STXBP6: variants seen among roughly 807,000 people sequenced by gnomAD.
The protein encoded by STXBP6 is syntaxin binding protein 6.
STXBP6 carries 21 observed loss-of-function variants against 26.9 expected under a neutral mutation model. The observed-to-expected ratio is 0.78, with a 90% CI of 0.55 to 1.12. The LOEUF is 1.12. Among genes scored for constraint, STXBP6 ranks in the 50% most tolerant of loss-of-function variants. STXBP6 has a pLI of 0.00. For synonymous variants in STXBP6, 97 were observed against 92.6 expected (o/e 1.05, Z -0.27); for missense variants, 232 against 257.9 (o/e 0.90, Z 0.69).
At chr14:24,908,045 G>T (rs901472905) in intron 2 of STXBP6, among the ~76,000 whole-genome samples, 4 of 152,112 alleles carry the variant, frequency 2.6e-5, no homozygotes, top group Non-Finnish European at 4.4e-5. Flanking sequence ...TTGGGTGTCT[G>T]TAACAGGCCT....
chr14:24,921,122 A>T (rs1320453097), intron 2 of STXBP6, among the ~76,000 whole-genome samples: 1 of 152,172 alleles, frequency 6.6e-6, no homozygotes, highest in Non-Finnish European at 1.5e-5. Flanking sequence ...TAAAGTCTCA[A>T]TTCTCTTCTC....
intron 1 of STXBP6, among the ~76,000 whole-genome samples, chr14:24,979,794 C>A (rs1054396274): frequency 6.6e-6 from 1 of 152,206 alleles, no homozygotes; most frequent in African/African-American, 2.4e-5. Context: ...TTCATTCTCA[C>A]TTCCTCTGCC....
intron 1 of STXBP6, among the ~76,000 whole-genome samples, chr14:24,990,783 G>A (rs1302048954): frequency 6.6e-6 from 1 of 151,834 alleles, no homozygotes; most frequent in Admixed American, 6.6e-5. Context: ...GAAGAAGGTT[G>A]ATCACATACA....
chr14:25,025,415 C>T (rs11627467), intron 1 of STXBP6, among the ~76,000 whole-genome samples: 12,480 of 152,120 alleles, frequency 0.082, 613 homozygotes, highest in Non-Finnish European at 0.12. Context: ...AAATGGAATA[C>T]TGGAAGTCCT....
At chr14:24,976,890 T>A (rs1242912498) in intron 1 of STXBP6, among the ~76,000 whole-genome samples, 3 of 116,798 alleles carry the variant, frequency 2.6e-5, no homozygotes, top group Non-Finnish European at 5.1e-5. Context: ...TGAGGCAGAG[T>A]CTTGCTTTAT....
At chr14:24,971,662 G>C (rs1406651706) in intron 2 of STXBP6, among the ~76,000 whole-genome samples, 2 of 152,170 alleles carry the variant, frequency 1.3e-5, no homozygotes, top group African/African-American at 4.8e-5. Flanking sequence ...CCCTCTGCCT[G>C]GAATGCCCTC....
intron 1 of STXBP6, among the ~76,000 whole-genome samples, chr14:25,023,460 A>ATAAG (rs2075295204): frequency 6.6e-6 from 1 of 152,202 alleles, no homozygotes; most frequent in African/African-American, 2.4e-5. Flanking sequence ...ACACATATAA[A>ATAAG]TAAAGTTTCA....
At chr14:24,873,794 G>A (rs1384640042) in intron 2 of STXBP6, among the ~76,000 whole-genome samples, 2 of 152,202 alleles carry the variant, frequency 1.3e-5, no homozygotes, top group African/African-American at 4.8e-5. Context: ...TTCTCTGAAT[G>A]ACGGGAACAA....
intron 1 of STXBP6, among the ~76,000 whole-genome samples, chr14:25,028,800 T>C (rs1313583840): frequency 6.6e-5 from 10 of 152,122 alleles, no homozygotes; most frequent in South Asian, 2.1e-4. Context: ...ATATTTGTGA[T>C]TCATGGGGGG....
chr14:24,970,079 T>C (rs2073857019), intron 2 of STXBP6, among the ~76,000 whole-genome samples: 1 of 151,998 alleles, frequency 6.6e-6, no homozygotes, highest in South Asian at 2.1e-4. Context: ...CCGTCTCTAC[T>C]AAAAATACAA....
intron 5 of STXBP6, among the ~76,000 whole-genome samples, chr14:24,813,966 C>T (rs1367992805): frequency 6.6e-6 from 1 of 152,192 alleles, no homozygotes; most frequent in Non-Finnish European, 1.5e-5. Context: ...TTGGACCAGT[C>T]CTCATGTTGA....
chr14:24,882,008 C>A (rs28485677), intron 2 of STXBP6, among the ~76,000 whole-genome samples: 2,322 of 152,218 alleles, frequency 0.015, 67 homozygotes, highest in African/African-American at 0.052. Context: ...CTCACTATCA[C>A]ATCTTAACCT....
At position 24,811,736 on chromosome 14, in the gene STXBP6, C is replaced by T. The variant is rs956905261; in HGVS notation, c.*973G>A. On this transcript the variant is annotated 3_prime_UTR_variant, in exon 6 of 6. Transcript: ENST00000323944. ...TCCAGATACCAAGAAACTAAAGGCC[C>T]TCTCCCAAGGACATTATGAAGGTGT... 5 of 152,116 alleles carry T rather than the reference C, an allele frequency of 3.3e-5. No individual in the cohort carries two copies. Among genetic ancestry groups the T allele is most frequent in the African/African-American group, 7.2e-5 (3 of 41,428 alleles). The allele number at this position is 152,116 out of a possible 1,614,324, so 9.4% of individuals were successfully genotyped here.
intron 2 of STXBP6, among the ~76,000 whole-genome samples, chr14:24,968,095 A>G (rs1281920735): frequency 6.6e-6 from 1 of 151,426 alleles, no homozygotes; most frequent in East Asian, 1.9e-4. Context: ...TATGCATAAG[A>G]TGAATACTTT....
chr14:25,031,823 C>T (rs1313303790), intron 1 of STXBP6, among the ~76,000 whole-genome samples: 2 of 150,308 alleles, frequency 1.3e-5, no homozygotes, highest in Non-Finnish European at 2.9e-5. Flanking sequence ...TATTTTAAGA[C>T]AGTAACATGT....
At chr14:24,977,189 C>A (rs1211917429) in intron 1 of STXBP6, among the ~76,000 whole-genome samples, 1 of 152,120 alleles carries the variant, frequency 6.6e-6, no homozygotes, top group African/African-American at 2.4e-5. Flanking sequence ...GGACCAGTGC[C>A]TTCCCAGCTG....
At chr14:25,034,652 G>A (rs1464120436) in intron 1 of STXBP6, among the ~76,000 whole-genome samples, 3 of 152,022 alleles carry the variant, frequency 2.0e-5, no homozygotes, top group Non-Finnish European at 1.5e-5. Context: ...TCTGAGCCTT[G>A]GTTTCTGACT....
At chr14:25,005,413 T>C (rs2074867043) in intron 1 of STXBP6, among the ~76,000 whole-genome samples, 4 of 152,202 alleles carry the variant, frequency 2.6e-5, no homozygotes, top group Admixed American at 2.6e-4. Context: ...ATGACTGCAA[T>C]CATCTGAAAT....
chr14:24,978,379 G>A (rs539113294), intron 1 of STXBP6, among the ~76,000 whole-genome samples: 4 of 152,318 alleles, frequency 2.6e-5, no homozygotes, highest in African/African-American at 9.6e-5. Context: ...GGAATGGAAA[G>A]GATGAATCAT....
Sources: allele counts gnomAD v4.1 joint callset (sites outside exome capture counted in the v4.1 genomes callset), GRCh38; gene constraint gnomAD v4.1.1; transcripts MANE v1.5; gene names NCBI Gene and HGNC (gene_info 2026-07-23, HGNC 2026-07-21).